The following SIK3 variants were observed in gnomAD, a reference collection of about 807,000 sequenced individuals.
SIK3 encodes SIK family kinase 3, also known as serine/threonine-protein kinase SIK3.
In SIK3, 28 loss-of-function variants were observed where a neutral mutation model predicts 144.2. The ratio of observed to expected loss-of-function variants is 0.19; its 90% CI spans 0.14 to 0.27. The LOEUF (loss-of-function observed/expected upper bound fraction) is 0.27, where lower values mean the gene tolerates loss of function less well. SIK3 is among the 10% of genes least tolerant of loss of function. SIK3 has a pLI of 1.00. For synonymous variants in SIK3, 686 were observed against 676.3 expected (o/e 1.01, Z -0.22); for missense variants, 1,319 against 1,776.0 (o/e 0.74, Z 4.62).
chr11:116,888,990 G>C (rs117920151), intron 6 of SIK3, among the ~76,000 whole-genome samples: 2,662 of 152,306 alleles, frequency 0.017, 47 homozygotes, highest in Non-Finnish European at 0.022. Flanking sequence ...GAGGTGATGG[G>C]GGTGGAGGAT....
intron 1 of SIK3, among the ~76,000 whole-genome samples, chr11:116,966,645 A>G (rs1285965387): frequency 1.3e-5 from 2 of 151,666 alleles, no homozygotes; most frequent in Non-Finnish European, 1.5e-5. Context: ...GGGGTGTTCA[A>G]CCTACAACTT....
intron 4 of SIK3, among the ~76,000 whole-genome samples, chr11:116,917,775 C>T (rs76136280): frequency 0.16 from 19,211 of 121,210 alleles, 1,378 homozygotes; most frequent in Middle Eastern, 0.24. Flanking sequence ...AGAGAAAGAA[C>T]GAAAGAAAGA....
intron 11 of SIK3, among the ~76,000 whole-genome samples, chr11:116,874,555 C>A (rs575396158): frequency 3.9e-5 from 6 of 152,354 alleles, no homozygotes; most frequent in African/African-American, 1.2e-4. Flanking sequence ...TTTCCACTAA[C>A]AGAGCGACTC....
chr11:116,876,622 C>A (rs1001576992), intron 7 of SIK3, among the ~76,000 whole-genome samples: 2 of 152,178 alleles, frequency 1.3e-5, no homozygotes, highest in African/African-American at 2.4e-5. Context: ...ATTGAGCACA[C>A]TAAGACAAGA....
chr11:117,018,146 C>G (rs1951614370), intron 1 of SIK3, among the ~76,000 whole-genome samples: 1 of 152,046 alleles, frequency 6.6e-6, no homozygotes, highest in South Asian at 2.1e-4. Flanking sequence ...CACAGTTGTC[C>G]CTCGGTATAC....
chr11:116,866,633 G>A (rs1359747013), intron 15 of SIK3, among the ~76,000 whole-genome samples: 4 of 152,090 alleles, frequency 2.6e-5, no homozygotes, highest in Non-Finnish European at 5.9e-5. Flanking sequence ...GTAGAGATGG[G>A]GTTTCACCAT....
intron 6 of SIK3, among the ~76,000 whole-genome samples, chr11:116,883,518 A>C (rs1944653771): frequency 6.6e-6 from 1 of 152,224 alleles, no homozygotes; most frequent in Non-Finnish European, 1.5e-5. Flanking sequence ...AGCCCTAAAA[A>C]TGATGTTTTA....
At chr11:116,877,317 G>A (rs1269616069) in intron 6 of SIK3, among the ~76,000 whole-genome samples, 1 of 152,110 alleles carries the variant, frequency 6.6e-6, no homozygotes, top group Admixed American at 6.5e-5. Context: ...ATAATCCATG[G>A]ATTTCATTTA....
At chr11:117,013,754 A>C (rs1951373204) in intron 1 of SIK3, among the ~76,000 whole-genome samples, 1 of 151,632 alleles carries the variant, frequency 6.6e-6, no homozygotes, top group Admixed American at 6.6e-5. Context: ...CTGAGGAACC[A>C]AAATCAAGAA....
At chr11:117,097,986 T>A (rs1955555305) in intron 1 of SIK3, among the ~76,000 whole-genome samples, 157 bp downstream of exon 1, 1 of 150,792 alleles carries the variant, frequency 6.6e-6, no homozygotes, top group Admixed American at 6.6e-5. Context: ...TGTCCCTAGC[T>A]CCGCGCCCGC....
intron 1 of SIK3, among the ~76,000 whole-genome samples, chr11:117,059,713 C>A (rs535036251): frequency 2.0e-4 from 30 of 152,260 alleles, no homozygotes; most frequent in African/African-American, 7.2e-4. Flanking sequence ...TGATCAGATA[C>A]CTCACCGATA....
At chr11:117,034,903 C>T (rs1310330090) in intron 1 of SIK3, among the ~76,000 whole-genome samples, 1 of 152,174 alleles carries the variant, frequency 6.6e-6, no homozygotes, top group African/African-American at 2.4e-5. Context: ...TTAATTGTAA[C>T]ATGGCTACAG....
chr11:116,846,311 A>T lies in SIK3; in HGVS notation c.*13+72T>A. The T allele has an allele frequency of 6.7e-7, 1 of 1,496,976 alleles. No individual in the cohort carries two copies. The highest frequency in any genetic ancestry group is 9.2e-7 in the Non-Finnish European group (1 of 1,092,596). 92.7% of individuals were successfully genotyped at this position (1,496,976 alleles called of 1,614,324 possible). A position where few individuals can be genotyped will look rare whatever the true frequency, so the allele number is the denominator to read the frequency against. On this transcript the variant is annotated intron_variant, in intron 24 of 24. Coordinates refer to ENST00000445177, the MANE Select transcript of SIK3 (RefSeq NM_001366686.3). The surrounding 1 kb of genome is among the most constrained non-coding windows in gnomAD (Gnocchi z 4.1). ...ACTGGCCACCACAACACATGGGCTGAAGCTCCTGATGGGATTGGGAGCAGG... is the reference window on the plus strand; with the variant it reads ...ACTGGCCACCACAACACATGGGCTGTAGCTCCTGATGGGATTGGGAGCAGG...
chr11:116,909,566 A>T (rs1946228864), intron 4 of SIK3, among the ~76,000 whole-genome samples: 1 of 152,240 alleles, frequency 6.6e-6, no homozygotes, highest in Non-Finnish European at 1.5e-5. Flanking sequence ...TAAATGAAAG[A>T]CAAAAGAGAC....
chr11:117,032,904 A>C (rs1209420875), intron 1 of SIK3, among the ~76,000 whole-genome samples: 1 of 152,132 alleles, frequency 6.6e-6, no homozygotes, highest in Non-Finnish European at 1.5e-5. Context: ...TCTTACCATA[A>C]ATATTAATAA....
At chr11:116,872,047 A>G (rs1234837922) in intron 13 of SIK3, among the ~76,000 whole-genome samples, 1 of 152,120 alleles carries the variant, frequency 6.6e-6, no homozygotes, top group Non-Finnish European at 1.5e-5. Flanking sequence ...AGGACATGGG[A>G]ATAGGGCCTA....
rs1339676914 is a variant in SIK3 at position 117,035,917 on chromosome 11, C to T, written c.273+62226G>A. 4.8e-5 allele frequency: 76 copies of T among 1,595,762 alleles called. No homozygotes were observed. The South Asian group carries it at 6.0e-4, about 13-fold the overall frequency. Reference sequence around the variant, plus strand: ...CTACCGTTTGTGCATGGCTAAAGACCGTGATGATTTTATAGCATCCTGGGC... The same window carrying T: ...CTACCGTTTGTGCATGGCTAAAGACTGTGATGATTTTATAGCATCCTGGGC... On this transcript the variant is annotated intron_variant, in intron 1 of 24. Transcript: ENST00000445177.
chr11:116,853,501 C>T (rs972320270), intron 21 of SIK3, among the ~76,000 whole-genome samples: 3 of 152,214 alleles, frequency 2.0e-5, no homozygotes, highest in South Asian at 2.1e-4. Flanking sequence ...ACACAATGCA[C>T]GCCACCCACC....
chr11:116,958,210 GA>G (rs1949215637), intron 1 of SIK3, among the ~76,000 whole-genome samples: 1 of 152,086 alleles, frequency 6.6e-6, no homozygotes, highest in Non-Finnish European at 1.5e-5. Context: ...AAAAAATCAG[GA>G]AAACAAAATT....
Sources: gnomAD v4.1 joint callset for allele counts (sites outside exome capture counted in the v4.1 genomes callset) on GRCh38, gnomAD v4.1.1 for gene constraint, Gnocchi (gnomAD v3.1) non-coding constraint, MANE v1.5 for transcripts, NCBI Gene and HGNC (gene_info 2026-07-23, HGNC 2026-07-21) for gene names.